Variants in SSPN observed in about 807,000 individuals in gnomAD.
SSPN encodes K-ras oncogene-associated protein.
SSPN carries 15 observed loss-of-function variants against 19.1 expected under a neutral mutation model. That is an observed-to-expected ratio of 0.78 (90% CI 0.52 to 1.21). SSPN has a LOEUF of 1.21. Among genes scored for constraint, SSPN ranks in the 50% most tolerant of loss-of-function variants. SSPN has a pLI of 0.00. For synonymous variants in SSPN, 147 were observed against 140.3 expected (o/e 1.05, Z -0.34); for missense variants, 291 against 314.0 (o/e 0.93, Z 0.55).
intron 1 of SSPN, among the ~76,000 whole-genome samples, chr12:26,176,367 A>C (rs943821757): frequency 1.3e-5 from 2 of 152,206 alleles, no homozygotes; most frequent in African/African-American, 4.8e-5. Context: ...ATGAAAGGGG[A>C]GACTATGAGA....
At position 26,231,709 on chromosome 12, in the gene SSPN, C is replaced by G. The variant is rs114249011; in HGVS notation, c.*633C>G. On this transcript the variant is annotated 3_prime_UTR_variant, in exon 3 of 3. Transcript: ENST00000242729. ...CTCTTCAGCTCCCTTAGCTTGGCTCCGTAAGTGGATCACTTGCCAAATGCT... is the reference window on the plus strand; with the variant it reads ...CTCTTCAGCTCCCTTAGCTTGGCTCGGTAAGTGGATCACTTGCCAAATGCT... The G allele has an allele frequency of 1.6e-4, 29 of 180,906 alleles. No individual in the cohort carries two copies. The highest frequency in any genetic ancestry group is 5.2e-4 in the Admixed American group (8 of 15,304). The allele number at this position is 180,906 out of a possible 1,614,324, so 11.2% of individuals were successfully genotyped here. A position where few individuals can be genotyped will look rare whatever the true frequency, so the allele number is the denominator to read the frequency against.
At chr12:26,212,668 G>C (rs1945002404) in intron 1 of SSPN, among the ~76,000 whole-genome samples, 1 of 151,756 alleles carries the variant, frequency 6.6e-6, no homozygotes, top group African/African-American at 2.4e-5. Flanking sequence ...AGTAAAATCA[G>C]TGAAGCTCTG....
intron 1 of SSPN, among the ~76,000 whole-genome samples, chr12:26,141,970 G>A (rs1234632063): frequency 3.9e-5 from 6 of 152,162 alleles, no homozygotes; most frequent in African/African-American, 1.4e-4. Flanking sequence ...CTCTCCAGAG[G>A]AATTACTATT....
chr12:26,152,093 C>T (rs1944529161), intron 1 of SSPN, among the ~76,000 whole-genome samples: 1 of 152,164 alleles, frequency 6.6e-6, no homozygotes, highest in Non-Finnish European at 1.5e-5. Flanking sequence ...ACATTTCCCT[C>T]ATCATTTTCT....
chr12:26,198,175 G>C (rs548884785), intron 1 of SSPN, among the ~76,000 whole-genome samples: 5 of 151,530 alleles, frequency 3.3e-5, no homozygotes, highest in East Asian at 1.9e-4. Context: ...TTGGGGGGGG[G>C]TTTTTGGAGA....
chr12:26,152,330 TAAGTAA>T (rs1944530532), intron 1 of SSPN, among the ~76,000 whole-genome samples: 1 of 152,184 alleles, frequency 6.6e-6, no homozygotes, highest in Non-Finnish European at 1.5e-5. Flanking sequence ...AAATGTAGTA[TAAGTAA>T]AACAATTAGG....
At position 26,122,127 on chromosome 12, in the gene SSPN, G is replaced by C. The variant is rs1458737039; in HGVS notation, c.-56G>C. On this transcript the variant is annotated 5_prime_UTR_variant, in exon 1 of 3. Transcript: ENST00000538142. ...CTGAGCAGAGCTCTCCGGGTTCCCC[G>C]GCTCGCGGGGCCCGGCGAAGGGCAG... The C allele has an allele frequency of 9.7e-6, 15 of 1,549,106 alleles. No individual in the cohort carries two copies. Among genetic ancestry groups the C allele is most frequent in the Non-Finnish European group, 9.6e-6 (11 of 1,146,418 alleles).
intron 1 of SSPN, among the ~76,000 whole-genome samples, chr12:26,137,636 G>GTATGTGTATATATATATATA (rs1555175654): frequency 3.2e-5 from 1 of 31,354 alleles, no homozygotes; most frequent in Non-Finnish European, 5.3e-5. Flanking sequence ...GTGTGTGTAT[G>GTATGTGTATATATATATATA]TATATATATA....
chr12:26,207,572 C>T (rs1944941879), intron 1 of SSPN, among the ~76,000 whole-genome samples: 1 of 152,178 alleles, frequency 6.6e-6, no homozygotes, highest in Non-Finnish European at 1.5e-5. Context: ...CCATAACCAA[C>T]ATGTCATATT....
At chr12:26,125,157 G>A in intron 1 of SSPN, 1 of 369,422 alleles carries the variant, frequency 2.7e-6, no homozygotes, top group South Asian at 2.4e-5. Flanking sequence ...GGGGGCGTCG[G>A]GAGAAGGCGG....
chr12:26,149,590 AG>A (rs1944512922), intron 1 of SSPN, among the ~76,000 whole-genome samples: 1 of 152,208 alleles, frequency 6.6e-6, no homozygotes, highest in Non-Finnish European at 1.5e-5. Flanking sequence ...TCCAGCTTAT[AG>A]ATTTCTTGTG....
chr12:26,230,405 C>T (rs576725372), intron 2 of SSPN, among the ~76,000 whole-genome samples: 2 of 152,292 alleles, frequency 1.3e-5, no homozygotes, highest in East Asian at 3.9e-4. Flanking sequence ...TGGGATTCAT[C>T]TAAACTGCTG....
At chr12:26,185,576 C>T (rs1223208429) in intron 1 of SSPN, among the ~76,000 whole-genome samples, 5 of 152,156 alleles carry the variant, frequency 3.3e-5, no homozygotes, top group Non-Finnish European at 7.4e-5. Flanking sequence ...TTTCCAGGGA[C>T]TAGGAATAGG....
intron 2 of SSPN, among the ~76,000 whole-genome samples, chr12:26,225,528 G>A (rs2137512885): frequency 6.6e-6 from 1 of 152,174 alleles, no homozygotes; most frequent in Admixed American, 6.5e-5. Flanking sequence ...CTCTAATTTT[G>A]AAATGTTCTC....
chr12:26,161,552 A>G (rs7133280), intron 1 of SSPN, among the ~76,000 whole-genome samples: 63,300 of 152,032 alleles, frequency 0.42, 15,572 homozygotes, highest in Admixed American at 0.58. Context: ...TCATTTCTTA[A>G]CATGCTTTAT....
intron 1 of SSPN, among the ~76,000 whole-genome samples, chr12:26,168,294 A>G (rs556553940): frequency 8.5e-5 from 13 of 152,240 alleles, no homozygotes; most frequent in African/African-American, 3.1e-4. Flanking sequence ...ACTAAAGGGA[A>G]GGGCACTAAG....
chr12:26,178,561 CAGTA>C (rs1944699136), intron 1 of SSPN, among the ~76,000 whole-genome samples: 1 of 151,884 alleles, frequency 6.6e-6, no homozygotes, highest in African/African-American at 2.4e-5. Context: ...TATGTGAACA[CAGTA>C]AGAATGAATT....
intron 1 of SSPN, among the ~76,000 whole-genome samples, chr12:26,183,104 A>G (rs1417620597): frequency 6.6e-6 from 1 of 152,166 alleles, no homozygotes; most frequent in Non-Finnish European, 1.5e-5. Context: ...CAGGTGCTAT[A>G]TGCCAACCCT....
intron 1 of SSPN, among the ~76,000 whole-genome samples, chr12:26,152,478 G>T (rs1001193141): frequency 6.6e-6 from 1 of 152,198 alleles, no homozygotes; most frequent in African/African-American, 2.4e-5. Context: ...TTTAAGAACT[G>T]GCTCTTAGAA....
Sources: gnomAD v4.1 joint callset for allele counts (sites outside exome capture counted in the v4.1 genomes callset) on GRCh38, gnomAD v4.1.1 for gene constraint, MANE v1.5 for transcripts, NCBI Gene and HGNC (gene_info 2026-07-23, HGNC 2026-07-21) for gene names.